The following CNTNAP5 variants were observed in gnomAD, a reference collection of about 807,000 sequenced individuals.
The protein encoded by CNTNAP5 is contactin-associated protein-like 5.
A neutral mutation model predicts 150.2 loss-of-function variants in CNTNAP5; 72 were observed. That is an observed-to-expected ratio of 0.48 (90% CI 0.40 to 0.58). The LOEUF (loss-of-function observed/expected upper bound fraction) is 0.58. Ranked by LOEUF, CNTNAP5 falls within the 20% of genes least tolerant of loss-of-function variation. The pLI is 0.00. For synonymous variants in CNTNAP5, 672 were observed against 619.8 expected, an observed-to-expected ratio of 1.08 and a Z score of -1.25; for missense variants, 1,636 against 1,626.2, an observed-to-expected ratio of 1.01 and a Z score of -0.10.
chr2:124,042,790 CTAT>C (rs1292482730), intron 1 of CNTNAP5, among the ~76,000 whole-genome samples: 3 of 139,500 alleles, frequency 2.2e-5, no homozygotes, highest in African/African-American at 9.4e-5. Flanking sequence ...TATCATCTAT[CTAT>C]CTATCTATCT....
At chr2:124,294,695 C>A (rs1452156053) in intron 3 of CNTNAP5, among the ~76,000 whole-genome samples, 2 of 152,176 alleles carry the variant, frequency 1.3e-5, no homozygotes, top group African/African-American at 4.8e-5. Context: ...CTATGCGCAG[C>A]TACTGGAAGT....
intron 1 of CNTNAP5, among the ~76,000 whole-genome samples, chr2:124,135,695 G>A (rs1339619633): frequency 1.3e-5 from 2 of 152,038 alleles, no homozygotes; most frequent in African/African-American, 2.4e-5. Context: ...ATACACCAGT[G>A]TCTACACATC....
intron 13 of CNTNAP5, among the ~76,000 whole-genome samples, chr2:124,706,644 G>A (rs1280892041): frequency 1.3e-5 from 2 of 151,670 alleles, no homozygotes; most frequent in Non-Finnish European, 1.5e-5. Flanking sequence ...CTACTCAGGA[G>A]GCTGAGGCAG....
intron 1 of CNTNAP5, among the ~76,000 whole-genome samples, chr2:124,069,948 A>G (rs931072102): frequency 6.6e-6 from 1 of 152,234 alleles, no homozygotes; most frequent in Non-Finnish European, 1.5e-5. Flanking sequence ...CGACTAAAGT[A>G]TGAACCAATC....
chr2:124,822,917 A>T (rs1682520267), intron 19 of CNTNAP5, among the ~76,000 whole-genome samples: 1 of 152,204 alleles, frequency 6.6e-6, no homozygotes, highest in African/African-American at 2.4e-5. Context: ...GAACATGTGA[A>T]TATTTCCCGA....
At chr2:124,199,263 G>C (rs927114838) in intron 1 of CNTNAP5, among the ~76,000 whole-genome samples, 1 of 152,046 alleles carries the variant, frequency 6.6e-6, no homozygotes. Context: ...TGAATTCATA[G>C]ATCTATTTAG....
intron 2 of CNTNAP5, among the ~76,000 whole-genome samples, chr2:124,223,136 A>T (rs1255056641): frequency 6.6e-6 from 1 of 152,274 alleles, no homozygotes; most frequent in East Asian, 1.9e-4. Flanking sequence ...TTCCTGAGGC[A>T]TCAGTTTCCC....
At chr2:124,548,646 A>T (rs921201940) in intron 10 of CNTNAP5, among the ~76,000 whole-genome samples, 4 of 152,162 alleles carry the variant, frequency 2.6e-5, no homozygotes, top group Non-Finnish European at 1.5e-5. Flanking sequence ...CAAAACAGTT[A>T]AAAAAAGGAA....
chr2:124,904,963 A>G (rs1678500222), intron 22 of CNTNAP5, among the ~76,000 whole-genome samples: 1 of 150,976 alleles, frequency 6.6e-6, no homozygotes, highest in Non-Finnish European at 1.5e-5. Flanking sequence ...AATTGGAAAA[A>G]GAAATGTTTT....
chr2:124,447,771 T>C (rs1041967698), intron 6 of CNTNAP5, among the ~76,000 whole-genome samples: 6 of 152,204 alleles, frequency 3.9e-5, no homozygotes, highest in Non-Finnish European at 7.4e-5. Flanking sequence ...CAGGAGATGC[T>C]GCTAAGCCTT....
intron 7 of CNTNAP5, among the ~76,000 whole-genome samples, chr2:124,478,156 A>G (rs182263416): frequency 6.6e-6 from 1 of 152,160 alleles, no homozygotes; most frequent in Non-Finnish European, 1.5e-5. Context: ...AGAAAAAAAA[A>G]ACTTCAGTTT....
chr2:124,777,473 C>T (rs1339239653), intron 17 of CNTNAP5, among the ~76,000 whole-genome samples: 3 of 152,044 alleles, frequency 2.0e-5, no homozygotes, highest in Non-Finnish European at 2.9e-5. Context: ...ACCCCTGCTT[C>T]CCGGGTACAA....
At chr2:124,306,884 C>T (rs1018927778) in intron 3 of CNTNAP5, among the ~76,000 whole-genome samples, 13 of 151,760 alleles carry the variant, frequency 8.6e-5, no homozygotes, top group Admixed American at 2.6e-4. Flanking sequence ...CCTGCCACCA[C>T]GCCTGGCTAA....
At chr2:124,317,239 A>G (rs1225955227) in intron 3 of CNTNAP5, among the ~76,000 whole-genome samples, 7 of 152,230 alleles carry the variant, frequency 4.6e-5, no homozygotes, top group Non-Finnish European at 8.8e-5. Context: ...TAATAATAAT[A>G]CTAATAGTAA....
chr2:124,266,150 C>T (rs1687601642), intron 3 of CNTNAP5, among the ~76,000 whole-genome samples: 3 of 152,104 alleles, frequency 2.0e-5, no homozygotes, highest in Admixed American at 2.0e-4. Context: ...AGCCCTATTC[C>T]CAAACCTTAT....
At chr2:124,514,756 A>C (rs1281368432) in intron 8 of CNTNAP5, among the ~76,000 whole-genome samples, 1 of 152,136 alleles carries the variant, frequency 6.6e-6, no homozygotes, top group African/African-American at 2.4e-5. Flanking sequence ...CCAAATATGG[A>C]GGGAAGGAAA....
At chr2:124,903,287 T>C (rs1678452959) in intron 22 of CNTNAP5, among the ~76,000 whole-genome samples, 187 bp downstream of exon 22, 1 of 152,196 alleles carries the variant, frequency 6.6e-6, no homozygotes, top group Non-Finnish European at 1.5e-5. Flanking sequence ...GTTTTATTTT[T>C]AATATGATGA....
At chr2:124,714,417 G>A (rs1208388099) in intron 13 of CNTNAP5, among the ~76,000 whole-genome samples, 1 of 152,148 alleles carries the variant, frequency 6.6e-6, no homozygotes, top group Non-Finnish European at 1.5e-5. Flanking sequence ...CTTAATTTAT[G>A]ATGAGTTTTA....
chr2:124,868,939 G>A (rs1305684740), intron 20 of CNTNAP5, among the ~76,000 whole-genome samples: 1 of 152,134 alleles, frequency 6.6e-6, no homozygotes, highest in Non-Finnish European at 1.5e-5. Context: ...CTGAAAAAGT[G>A]AGAATGAATG....
Sources: allele counts gnomAD v4.1 joint callset (sites outside exome capture counted in the v4.1 genomes callset), GRCh38; gene constraint gnomAD v4.1.1; transcripts MANE v1.5; gene names NCBI Gene and HGNC (gene_info 2026-07-23, HGNC 2026-07-21).